Variants in SCN7A observed in about 807,000 individuals in gnomAD.
SCN7A encodes sodium channel protein type 7 subunit alpha.
In SCN7A, 138 loss-of-function variants were observed where a neutral mutation model predicts 155.2. The observed-to-expected ratio is 0.89, with a 90% confidence interval of 0.77 to 1.02. The LOEUF is 1.02. Among genes scored for constraint, SCN7A ranks in the 50% least tolerant of loss-of-function variants. The pLI, the probability that SCN7A is intolerant of heterozygous loss-of-function variation, is 0.00. For missense variants in SCN7A, 2,058 were observed against 1,986.6 expected (o/e 1.04, Z -0.68); for synonymous variants, 693 against 649.0 (o/e 1.07, Z -1.03).
intron 11 of SCN7A, among the ~76,000 whole-genome samples, chr2:166,449,995 C>T (rs988230466): frequency 1.3e-5 from 2 of 152,056 alleles, no homozygotes; most frequent in African/African-American, 4.8e-5. Flanking sequence ...AATCATTCTA[C>T]CAAAAAGACA....
chr2:166,451,286 T>C (rs1191667828), intron 11 of SCN7A, among the ~76,000 whole-genome samples: 2 of 152,198 alleles, frequency 1.3e-5, no homozygotes, highest in Non-Finnish European at 2.9e-5. Context: ...TCTAGTAATA[T>C]ATTTACCTTG....
At chr2:166,429,521 T>C (rs1701690343) in intron 16 of SCN7A, among the ~76,000 whole-genome samples, 1 of 152,090 alleles carries the variant, frequency 6.6e-6, no homozygotes. Context: ...AAAATTCATG[T>C]TTAGTTTATA....
At chr2:166,455,467 C>G (rs903715619) in intron 11 of SCN7A, among the ~76,000 whole-genome samples, 1 of 152,084 alleles carries the variant, frequency 6.6e-6, no homozygotes, top group Non-Finnish European at 1.5e-5. Flanking sequence ...ACTGCATGTT[C>G]TCAGTTACTA....
chr2:166,441,710 T>C lies in SCN7A; in HGVS notation c.1843A>G (p.Ile615Val). 2 of 1,611,898 alleles carry C rather than the reference T, an allele frequency of 1.2e-6. No individual in the cohort carries two copies. The highest frequency in any genetic ancestry group is 1.7e-6 in the Non-Finnish European group (2 of 1,178,892). ...GAGTTACTAAGAGACCACATCAAAATCTGGAATGTTGGCCAATACTTTCCC... is the reference window on the plus strand; with the variant it reads ...GAGTTACTAAGAGACCACATCAAAACCTGGAATGTTGGCCAATACTTTCCC... ...KLGKYWPTFQ[I>V]LMWSLSNSWV... is the part of the protein sequence containing the mutation. The change falls in exon 15 of 26, where the codon ATT (isoleucine) becomes GTT (valine). Residue 615 changes from isoleucine to valine, a missense_variant. Ile to Val is a conservative substitution (Grantham distance 29). Coordinates refer to ENST00000643258, the MANE Select transcript of SCN7A (RefSeq NM_002976.4).
At position 166,478,231 on chromosome 2, in the gene SCN7A, T is replaced by C. The variant is rs535910641; in HGVS notation, c.-14-521A>G. Among the ~76,000 whole-genome samples the C allele has an allele frequency of 7.9e-5, 12 of 151,448 alleles. No homozygotes were observed. The South Asian group carries it at 1.7e-3, about 21-fold the overall frequency. On this transcript the variant is annotated intron_variant, in intron 2 of 25. Transcript: ENST00000643258. ...GTATATCTCACACCAACATGGCACA[T>C]GTATACATGTATACATATGTAACAA...
chr2:166,423,369 T>A lies in SCN7A; in HGVS notation c.2917A>T (p.Met973Leu). ...AGAATGAAGATATAAGTAAAGATCA[T>A]GTCAGCATATTCTAATAAAATTTTA... is the stretch of plus-strand genomic sequence containing the variant. ...TIKILLEYAD[M>L]IFTYIFILEM... Residue 973 changes from methionine to leucine, a missense_variant, in exon 19 of 26, where the codon ATG becomes TTG. By Grantham distance (15) the Met-to-Leu change is conservative. Transcript: ENST00000643258. The A allele has an allele frequency of 6.2e-7, 1 of 1,610,316 alleles. No homozygotes were observed. Among genetic ancestry groups the A allele is most frequent in the East Asian group, 2.2e-5 (1 of 44,702 alleles).
At chr2:166,454,708 CT>C (rs1440945797) in intron 11 of SCN7A, among the ~76,000 whole-genome samples, 2 of 152,026 alleles carry the variant, frequency 1.3e-5, no homozygotes, top group African/African-American at 4.8e-5. Context: ...CAATATAGAC[CT>C]TTTTCCCATT....
At position 166,416,832 on chromosome 2, in the gene SCN7A, G is replaced by A. The variant is rs1280223421; in HGVS notation, c.3289C>T (p.Pro1097Ser). ...CIDPTSGERF[P>S]SSEVMNKSRC... is the part of the protein sequence containing the mutation. ...CTCTTATTCATGACTTCAGATGAAG[G>A]AAACCTTTCTCCACTTGTTGGGTCA... The change falls in exon 21 of 26, where the codon CCT becomes TCT. Residue 1097 changes from proline to serine, a missense_variant. Physicochemically the swap from Pro to Ser is moderately conservative, Grantham distance 74. Coordinates refer to ENST00000643258, the MANE Select transcript of SCN7A (RefSeq NM_002976.4). 1 of 1,613,626 alleles carries A rather than the reference G, an allele frequency of 6.2e-7. No homozygotes were observed. The highest frequency in any genetic ancestry group is 8.5e-7 in the Non-Finnish European group (1 of 1,179,748).
At chr2:166,432,878 A>G in intron 15 of SCN7A, 126 bp from the exon 16 acceptor site, 1 of 635,906 alleles carries the variant, frequency 1.6e-6, no homozygotes, top group Non-Finnish European at 2.6e-6. Flanking sequence ...TCAAGAATAC[A>G]ATATATTGTA....
chr2:166,483,761 G>A (rs1284545050), intron 2 of SCN7A, among the ~76,000 whole-genome samples: 1 of 151,818 alleles, frequency 6.6e-6, no homozygotes, highest in East Asian at 1.9e-4. Flanking sequence ...TAAGAGGAAA[G>A]CTGGTACTGT....
At chr2:166,436,889 G>A (rs374842064) in intron 15 of SCN7A, among the ~76,000 whole-genome samples, 5 of 152,270 alleles carry the variant, frequency 3.3e-5, no homozygotes, top group African/African-American at 1.2e-4. Flanking sequence ...ATGATTTCGG[G>A]TATCTGGCAG....
chr2:166,441,705 C>G lies in SCN7A; in HGVS notation c.1848G>C (p.Leu616Phe), dbSNP rs1173557040. 6.2e-7 allele frequency: 1 copy of G among 1,612,300 alleles called. No homozygotes were observed. Among genetic ancestry groups the G allele is most frequent in the East Asian group, 2.2e-5 (1 of 44,874 alleles). The part of the protein sequence containing the change: ...LGKYWPTFQI[L>F]MWSLSNSWVA... Reference sequence around the variant, plus strand: ...CCCATGAGTTACTAAGAGACCACATCAAAATCTGGAATGTTGGCCAATACT... The same window carrying G: ...CCCATGAGTTACTAAGAGACCACATGAAAATCTGGAATGTTGGCCAATACT... Residue 616 changes from leucine to phenylalanine, a missense_variant, in exon 15 of 26, where the codon TTG becomes TTC. Physicochemically the swap from Leu to Phe is conservative, Grantham distance 22 (BLOSUM62 0). Coordinates refer to ENST00000643258, the MANE Select transcript of SCN7A (RefSeq NM_002976.4).
chr2:166,488,784 C>T (rs931680255), intron 1 of SCN7A, among the ~76,000 whole-genome samples: 46 of 152,008 alleles, frequency 3.0e-4, no homozygotes, highest in Middle Eastern at 3.4e-3. Context: ...ATTACAGGTG[C>T]ATGCTACTAC....
At chr2:166,455,462 A>G (rs1194349076) in intron 11 of SCN7A, among the ~76,000 whole-genome samples, 1 of 152,144 alleles carries the variant, frequency 6.6e-6, no homozygotes, top group African/African-American at 2.4e-5. Context: ...TAAATACTGC[A>G]TGTTCTCAGT....
In SCN7A at chr2:166,409,776, C is replaced by A; in HGVS notation, c.3871G>T (p.Val1291Phe). The change falls in exon 25 of 26, where the codon GTT becomes TTT. Residue 1291 changes from valine (V) to phenylalanine (F), a missense_variant. Coordinates refer to ENST00000643258, the MANE Select transcript of SCN7A (RefSeq NM_002976.4). ...IALYWINSIF[V>F]MLYTMECILK... ...ATACATTCCATAGTATATAGCATAA[C>A]AAAAATTGAGTTAATCCAGTAGAGA... 6.4e-7 allele frequency: 1 copy of A among 1,567,078 alleles called. No homozygotes were observed. The highest frequency in any genetic ancestry group is 8.7e-7 in the Non-Finnish European group (1 of 1,153,920).
At chr2:166,430,501 ATATTTT>A (rs1403403872) in intron 16 of SCN7A, among the ~76,000 whole-genome samples, 1 of 151,930 alleles carries the variant, frequency 6.6e-6, no homozygotes, top group Non-Finnish European at 1.5e-5. Context: ...TCATAAATTT[ATATTTT>A]TAAAGAGTTG....
intron 2 of SCN7A, 110 bp from the exon 3 acceptor site, chr2:166,477,820 C>G (rs541636668): frequency 3.5e-6 from 2 of 579,498 alleles, no homozygotes; most frequent in East Asian, 6.4e-5. Context: ...ATTTAAAGAA[C>G]ATATTCCTTA....
chr2:166,477,423 T>C (rs2105513474), intron 3 of SCN7A, 40 bp downstream of exon 3: 2 of 1,211,108 alleles, frequency 1.7e-6, no homozygotes, highest in East Asian at 5.4e-5. Context: ...GGAAATAAAA[T>C]AATAAAAATG....
Position 166,411,681 on chromosome 2 carries a change from G to A in SCN7A, c.3606+849C>T, listed in dbSNP as rs1701205667. 2.0e-5 allele frequency among the ~76,000 whole-genome samples: 3 copies of A among 152,064 alleles called. No individual in the cohort carries two copies. In the South Asian group the frequency reaches 6.2e-4, roughly 32 times the overall value. Reference sequence around the variant, plus strand: ...ACAGTGCATGATAAGTCTTAGTCATGGAAAAGGCATCTTAACGTGAACAGA... The same window carrying A: ...ACAGTGCATGATAAGTCTTAGTCATAGAAAAGGCATCTTAACGTGAACAGA... On this transcript the variant is annotated intron_variant, in intron 23 of 25. Transcript: ENST00000643258.
Sources: gnomAD v4.1 joint callset for allele counts (sites outside exome capture counted in the v4.1 genomes callset) on GRCh38, gnomAD v4.1.1 for gene constraint, MANE v1.5 for transcripts, NCBI Gene and HGNC (gene_info 2026-07-23, HGNC 2026-07-21) for gene names.